The following EGLN3 variants were observed in gnomAD, a reference collection of about 807,000 sequenced individuals.
EGLN3 encodes egl-9 family hypoxia inducible factor 3.
In EGLN3, 15 loss-of-function variants were observed where a neutral mutation model predicts 26.0. The ratio of observed to expected loss-of-function variants is 0.58; its 90% CI spans 0.39 to 0.89. The LOEUF is 0.89. Ranked by LOEUF, EGLN3 falls within the 40% of genes least tolerant of loss-of-function variation. EGLN3 has a pLI of 0.00. For missense variants in EGLN3, 238 were observed against 311.6 expected, an observed-to-expected ratio of 0.76 and a Z score of 1.78; for synonymous variants, 147 against 127.2, an observed-to-expected ratio of 1.16 and a Z score of -1.05.
At chr14:33,934,722 G>C (rs899650477) in intron 1 of EGLN3, among the ~76,000 whole-genome samples, 1 of 152,158 alleles carries the variant, frequency 6.6e-6, no homozygotes, top group South Asian at 2.1e-4. Flanking sequence ...GCTAACAGTT[G>C]CAACATGTAT....
intron 1 of EGLN3, among the ~76,000 whole-genome samples, chr14:33,943,278 A>T (rs184183563): frequency 1.2e-4 from 19 of 152,350 alleles, no homozygotes; most frequent in Admixed American, 3.9e-4. Context: ...TTAGTCTGGC[A>T]CCATCAAATG....
chr14:33,949,561 G>A (rs1305183933), intron 1 of EGLN3: 2 of 152,160 alleles, frequency 1.3e-5, no homozygotes, highest in Non-Finnish European at 2.9e-5. Context: ...CCAAAGTAAT[G>A]GACATGCACC....
chr14:33,937,813 T>C (rs2064453085), intron 1 of EGLN3, among the ~76,000 whole-genome samples: 1 of 152,162 alleles, frequency 6.6e-6, no homozygotes, highest in Non-Finnish European at 1.5e-5. Context: ...CTGAATTTTC[T>C]AATATTGTAG....
At chr14:33,931,403 C>T (rs2064402822) in intron 1 of EGLN3, 188 bp from the exon 2 acceptor site, 1 of 715,856 alleles carries the variant, frequency 1.4e-6, no homozygotes, top group Non-Finnish European at 2.2e-6. Flanking sequence ...CCAGGTCATA[C>T]TATGGCTCTG....
chr14:33,944,806 T>C (rs2064506863), intron 1 of EGLN3, among the ~76,000 whole-genome samples: 1 of 152,246 alleles, frequency 6.6e-6, no homozygotes, highest in Non-Finnish European at 1.5e-5. Context: ...CGGACAGGTC[T>C]CCCACAGTGT....
Position 33,925,583 on chromosome 14 carries a change from G to A in EGLN3, c.*308C>T, listed in dbSNP as rs537514175. The A allele has an allele frequency of 5.4e-5, 17 of 313,820 alleles. No individual in the cohort carries two copies. The South Asian group carries it at 8.0e-4, about 15-fold the overall frequency. The allele number at this position is 313,820 out of a possible 1,614,324, so 19.4% of individuals were successfully genotyped here. Reference sequence around the variant, plus strand: ...AAGTGCAAGTAAGGTTCATTCCCTCGCTGTGCTCCTAGGCTCTTCTCTTGA... The same window carrying A: ...AAGTGCAAGTAAGGTTCATTCCCTCACTGTGCTCCTAGGCTCTTCTCTTGA... On this transcript the variant is annotated 3_prime_UTR_variant, in exon 5 of 5. Transcript: ENST00000250457.
chr14:33,936,087 T>C (rs1354731465), intron 1 of EGLN3, among the ~76,000 whole-genome samples: 3 of 152,008 alleles, frequency 2.0e-5, no homozygotes. Context: ...AAAAATTAGT[T>C]GGGCATGGTG....
In EGLN3 at chr14:33,925,346, G is replaced by A. The variant is rs2064354429; in HGVS notation, c.*545C>T. ...CACTTATAAATTGTTCACTATGACA[G>A]CAGCCCTTTCTAGAGGTATTAATGT... On this transcript the variant is annotated 3_prime_UTR_variant, in exon 5 of 5. Transcript: ENST00000250457. 6.5e-6 allele frequency: 1 copy of A among 152,930 alleles called. No individual in the cohort carries two copies. Among genetic ancestry groups the A allele is most frequent in the Non-Finnish European group, 1.5e-5 (1 of 68,568 alleles). 9.5% of individuals were successfully genotyped at this position (152,930 alleles called of 1,614,324 possible).
At chr14:33,946,864 A>C (rs1052705355) in intron 1 of EGLN3, among the ~76,000 whole-genome samples, 1 of 152,252 alleles carries the variant, frequency 6.6e-6, no homozygotes, top group African/African-American at 2.4e-5. Context: ...AAAGCCACGA[A>C]GTTAGTTAAC....
chr14:33,938,045 T>C (rs984376123), intron 1 of EGLN3, among the ~76,000 whole-genome samples: 3 of 152,192 alleles, frequency 2.0e-5, no homozygotes, highest in Non-Finnish European at 4.4e-5. Context: ...CTAGTTCTCC[T>C]GGGTCAGTGA....
chr14:33,928,941 A>G, intron 3 of EGLN3, 135 bp downstream of exon 3: 2 of 1,059,334 alleles, frequency 1.9e-6, no homozygotes, highest in Non-Finnish European at 2.6e-6. Flanking sequence ...ATTTTTGTAG[A>G]CTCCAAACAA....
At chr14:33,944,561 A>G (rs1429248847) in intron 1 of EGLN3, among the ~76,000 whole-genome samples, 2 of 152,096 alleles carry the variant, frequency 1.3e-5, no homozygotes, top group African/African-American at 2.4e-5. Context: ...AGCCCTAAAA[A>G]CCCATATTAT....
At chr14:33,936,763 G>T (rs985048248) in intron 1 of EGLN3, among the ~76,000 whole-genome samples, 1 of 134,308 alleles carries the variant, frequency 7.4e-6, no homozygotes, top group African/African-American at 2.6e-5. Context: ...TGGAGGAAAG[G>T]CTGGAGAAAA....
At chr14:33,932,432 C>T (rs553643067) in intron 1 of EGLN3, among the ~76,000 whole-genome samples, 1 of 151,984 alleles carries the variant, frequency 6.6e-6, no homozygotes, top group Admixed American at 6.6e-5. Context: ...GTAAAATGAC[C>T]GTTTGAGTAG....
chr14:33,948,795 A>G (rs2064535877), intron 1 of EGLN3: 1 of 152,206 alleles, frequency 6.6e-6, no homozygotes, highest in Admixed American at 6.5e-5. Flanking sequence ...AAAAACTCCT[A>G]ACACCTAAAT....
At chr14:33,928,780 G>C (rs2064379936) in intron 3 of EGLN3, among the ~76,000 whole-genome samples, 2 of 152,128 alleles carry the variant, frequency 1.3e-5, no homozygotes, top group Non-Finnish European at 2.9e-5. Flanking sequence ...AAGGGAAAGA[G>C]AGATAAGAGA....
chr14:33,924,941 T>TTAA lies in EGLN3; in HGVS notation c.*949_*950insTTA, dbSNP rs375149684. 7 of 103,364 alleles carry TTAA rather than the reference T, an allele frequency of 6.8e-5. No individual in the cohort carries two copies. The highest frequency in any genetic ancestry group is 3.2e-4 in the East Asian group (1 of 3,136). 6.4% of individuals were successfully genotyped at this position (103,364 alleles called of 1,614,324 possible). ...GGGTGAGCTCATTAAAAAGGAAAAC[T>TTAA]AAAAAAAAAAAAAAAAAAAAAACAG... is the stretch of plus-strand genomic sequence containing the variant. On this transcript the variant is annotated 3_prime_UTR_variant, in exon 5 of 5. Coordinates refer to ENST00000250457, the MANE Select transcript of EGLN3 (RefSeq NM_022073.4).
intron 4 of EGLN3, among the ~76,000 whole-genome samples, chr14:33,926,520 G>C (rs1594373529): frequency 6.6e-6 from 1 of 152,140 alleles, no homozygotes; most frequent in South Asian, 2.1e-4. Context: ...GGTTGGAAGG[G>C]ATAGGAGTAG....
At chr14:33,942,177 C>T (rs372775146) in intron 1 of EGLN3, among the ~76,000 whole-genome samples, 2 of 151,968 alleles carry the variant, frequency 1.3e-5, no homozygotes, top group Non-Finnish European at 2.9e-5. Context: ...CAAGAACCAA[C>T]GGCAAGTGAT....
Sources: allele counts gnomAD v4.1 joint callset (sites outside exome capture counted in the v4.1 genomes callset), GRCh38; gene constraint gnomAD v4.1.1; transcripts MANE v1.5; gene names NCBI Gene and HGNC (gene_info 2026-07-23, HGNC 2026-07-21).